Variants in HAL observed in about 807,000 individuals in gnomAD.
HAL encodes the protein histidine ammonia-lyase.
A neutral mutation model predicts 81.1 loss-of-function variants in HAL; 85 were observed. The observed-to-expected ratio is 1.05, with a 90% CI of 0.88 to 1.25. The LOEUF is 1.25. HAL is among the 50% of genes most tolerant of loss of function. The pLI, the probability that HAL is intolerant of heterozygous loss-of-function variation, is 0.00. For synonymous variants in HAL, 301 were observed against 309.2 expected, an observed-to-expected ratio of 0.97 and a Z score of 0.28; for missense variants, 798 against 836.6, an observed-to-expected ratio of 0.95 and a Z score of 0.57.
At chr12:95,989,896 T>C (rs1218769310) in intron 10 of HAL, 3 of 213,404 alleles carry the variant, frequency 1.4e-5, no homozygotes, top group African/African-American at 6.9e-5. Flanking sequence ...TGATGCTTTA[T>C]GCTGCTGTAA....
chr12:95,979,377 T>G (rs1220133636), intron 17 of HAL, among the ~76,000 whole-genome samples: 1 of 152,252 alleles, frequency 6.6e-6, no homozygotes, highest in Admixed American at 6.5e-5. Flanking sequence ...CTAGTATTTT[T>G]TTAGTGCTTA....
At chr12:95,990,922 C>A (rs1472653587) in intron 9 of HAL, among the ~76,000 whole-genome samples, 23 of 152,124 alleles carry the variant, frequency 1.5e-4, no homozygotes, top group Admixed American at 1.5e-3. Flanking sequence ...CCAGCCTGGG[C>A]AACACGGTGA....
At chr12:95,985,133 A>G (rs894639137) in intron 14 of HAL, among the ~76,000 whole-genome samples, 4 of 152,232 alleles carry the variant, frequency 2.6e-5, no homozygotes, top group African/African-American at 7.2e-5. Flanking sequence ...AGGTATAACC[A>G]TTACTATGCA....
At position 95,987,123 on chromosome 12, in the gene HAL, A is replaced by G. The variant is rs777218012; in HGVS notation, c.995T>C (p.Ile332Thr). Reference sequence around the variant, plus strand: ...CACCTCAAGGGTCAGGGCTGCCACAATGTCAGCCTGCCGTGCAATAGCACT... The same window carrying G: ...CACCTCAAGGGTCAGGGCTGCCACAGTGTCAGCCTGCCGTGCAATAGCACT... The part of the protein sequence containing the change: ...RASAIARQAD[I>T]VAALTLEVLK... The change falls in exon 12 of 21, where the codon ATT becomes ACT. Residue 332 changes from isoleucine to threonine, a missense_variant. Transcript: ENST00000261208. 3 of 1,611,724 alleles carry G rather than the reference A, an allele frequency of 1.9e-6. No individual in the cohort carries two copies. In the East Asian group the frequency reaches 6.7e-5, roughly 36 times the overall value.
intron 18 of HAL, among the ~76,000 whole-genome samples, chr12:95,977,068 A>G (rs1468115867): frequency 6.6e-6 from 1 of 152,192 alleles, no homozygotes; most frequent in Non-Finnish European, 1.5e-5. Flanking sequence ...GTAGGGAAGG[A>G]AGTCAGAAAG....
At chr12:95,978,747 A>G (rs192153257) in intron 17 of HAL, among the ~76,000 whole-genome samples, 37 of 152,318 alleles carry the variant, frequency 2.4e-4, no homozygotes, top group Admixed American at 2.2e-3. Flanking sequence ...TCTGAGGACT[A>G]CACTATAAGT....
rs972641192 is a variant in HAL at position 95,996,002 on chromosome 12, G to A, written c.-81-11C>T. The A allele has an allele frequency of 7.6e-7, 1 of 1,309,342 alleles. No homozygotes were observed. Among genetic ancestry groups the A allele is most frequent in the African/African-American group, 1.4e-5 (1 of 69,106 alleles). 81.1% of individuals were successfully genotyped at this position (1,309,342 alleles called of 1,614,324 possible). A position where few individuals can be genotyped will look rare whatever the true frequency, so the allele number is the denominator to read the frequency against. ...CCGGGGTGTGGTCAGCTGGAAGGAT[G>A]AGAATAGACTTTCAAACCACTCCCC... On this transcript the variant is annotated splice_polypyrimidine_tract_variant and intron_variant, in intron 1 of 20. Coordinates refer to ENST00000261208, the MANE Select transcript of HAL (RefSeq NM_002108.4).
chr12:95,983,254 G>C lies in HAL; in HGVS notation c.1287+657C>G, dbSNP rs142044768. Among the ~76,000 whole-genome samples the C allele has an allele frequency of 3.6e-3, 555 of 152,222 alleles. 5 individuals carry two copies. The highest frequency in any genetic ancestry group is 0.013 in the African/African-American group (537 of 41,544). ...AATACAAATATTAGCCAGGCCTGCT[G>C]GCACATGCCTGTAATTCCAGCTACT... On this transcript the variant is annotated intron_variant, in intron 15 of 20. Coordinates refer to ENST00000261208, the MANE Select transcript of HAL (RefSeq NM_002108.4).
chr12:95,982,007 G>A (rs17676451), intron 15 of HAL, among the ~76,000 whole-genome samples: 21,882 of 152,206 alleles, frequency 0.14, 2,036 homozygotes, highest in Non-Finnish European at 0.22. Flanking sequence ...GTAACTGTGA[G>A]CCCATTGGGT....
intron 11 of HAL, among the ~76,000 whole-genome samples, chr12:95,987,563 A>C (rs1001238574): frequency 4.6e-5 from 7 of 152,124 alleles, no homozygotes; most frequent in Non-Finnish European, 8.8e-5. Flanking sequence ...TGAGACATCC[A>C]AAAAAACCCA....
chr12:95,995,915 C>A lies in HAL; in HGVS notation c.-5G>T. On this transcript the variant is annotated 5_prime_UTR_variant, in exon 2 of 21. Transcript: ENST00000261208. ...GTGCACCGTGTATCTGGGCATGGCT[C>A]CGCTGCAGCCTGAGGTCCTCAGCTG... The A allele has an allele frequency of 1.2e-6, 2 of 1,602,476 alleles. No homozygotes were observed. The highest frequency in any genetic ancestry group is 1.7e-6 in the Non-Finnish European group (2 of 1,179,906).
chr12:95,977,900 T>G (rs752860158), intron 18 of HAL, 44 bp downstream of exon 18: 1 of 1,608,508 alleles, frequency 6.2e-7, no homozygotes, highest in South Asian at 1.1e-5. Flanking sequence ...ACGGGCACAG[T>G]GGTCTATCAG....
Position 95,977,995 on chromosome 12 carries a change from C to T in HAL, c.1603G>A (p.Gly535Arg). The T allele has an allele frequency of 6.2e-7, 1 of 1,614,106 alleles. No individual in the cohort carries two copies. The highest frequency in any genetic ancestry group is 1.1e-5 in the South Asian group (1 of 91,076). ...AGGGCTTTCCTTGCTGCCCATCCTC[C>T]CATGGAGACGTGGTCCTCCGTGGCT... ...SAATEDHVSM[G>R]GWAARKALRV... Residue 535 changes from glycine to arginine, a missense_variant, in exon 18 of 21, where the codon GGA (glycine) becomes AGA (arginine). Transcript: ENST00000261208.
Position 95,976,583 on chromosome 12 carries a change from C to T in HAL, c.1763+15G>A. ...GCTGAACTGATGTAATTTTCAGAGA[C>T]CTGTTTGATCTTACCTTACAACAGA... On this transcript the variant is annotated intron_variant, in intron 19 of 20. Transcript: ENST00000261208. 1 of 1,595,184 alleles carries T rather than the reference C, an allele frequency of 6.3e-7. No homozygotes were observed. The highest frequency in any genetic ancestry group is 8.6e-7 in the Non-Finnish European group (1 of 1,162,614).
chr12:95,994,260 G>A (rs752243797), intron 4 of HAL, 96 bp from the exon 5 acceptor site: 20 of 840,860 alleles, frequency 2.4e-5, no homozygotes, highest in African/African-American at 5.0e-5. Context: ...ACATTTCAGA[G>A]ATCTGATCAT....
intron 17 of HAL, 93 bp downstream of exon 17, chr12:95,980,463 C>T (rs2080776571): frequency 8.3e-7 from 1 of 1,198,822 alleles, no homozygotes; most frequent in Admixed American, 1.7e-5. Flanking sequence ...AAAGTTAGAT[C>T]TCACTCACAG....
rs2080677291 is a variant in HAL, at chr12:95,973,421, AT to A, written c.*810del. Reference sequence around the variant, plus strand: ...GTTGGTTAATCCCCAAAGATTCCTTATCTGTGAAATGAGGAAGGTTACAATA... The same window carrying A: ...GTTGGTTAATCCCCAAAGATTCCTTACTGTGAAATGAGGAAGGTTACAATA... On this transcript the variant is annotated 3_prime_UTR_variant, in exon 21 of 21. Coordinates refer to ENST00000261208, the MANE Select transcript of HAL (RefSeq NM_002108.4). The A allele has an allele frequency of 6.6e-6, 1 of 152,234 alleles. No individual in the cohort carries two copies. Among genetic ancestry groups the A allele is most frequent in the Non-Finnish European group, 1.5e-5 (1 of 68,034 alleles). The allele number at this position is 152,234 out of a possible 1,614,324, so 9.4% of individuals were successfully genotyped here. A position where few individuals can be genotyped will look rare whatever the true frequency, so the allele number is the denominator to read the frequency against.
At chr12:95,982,642 G>T (rs2080807967) in intron 15 of HAL, among the ~76,000 whole-genome samples, 1 of 152,154 alleles carries the variant, frequency 6.6e-6, no homozygotes, top group South Asian at 2.1e-4. Context: ...GTAAAACAAT[G>T]TGAGAGAACA....
intron 15 of HAL, 109 bp from the exon 16 acceptor site, chr12:95,980,972 G>A (rs2270318): frequency 0.45 from 350,859 of 777,152 alleles, 83,131 homozygotes; most frequent in African/African-American, 0.64. Flanking sequence ...TACAAATGTG[G>A]GGTGGAGGGA....
Sources: gnomAD v4.1 joint callset for allele counts (sites outside exome capture counted in the v4.1 genomes callset) on GRCh38, gnomAD v4.1.1 for gene constraint, MANE v1.5 for transcripts, NCBI Gene and HGNC (gene_info 2026-07-23, HGNC 2026-07-21) for gene names.